The following MYO3A variants were observed in gnomAD, a reference collection of about 807,000 sequenced individuals.
The protein encoded by MYO3A is myosin IIIA.
A neutral mutation model predicts 192.7 loss-of-function variants in MYO3A; 180 were observed. The observed-to-expected ratio is 0.93, with a 90% CI of 0.83 to 1.06. The LOEUF is 1.06. Ranked by LOEUF, MYO3A falls within the 50% of genes least tolerant of loss-of-function variation. The probability of loss-of-function intolerance (pLI) is 0.00; values close to 1 mark genes in which losing one functional copy is unlikely to be tolerated. For missense variants in MYO3A, 1,896 were observed against 1,905.0 expected, an observed-to-expected ratio of 1.00 and a Z score of 0.09; for synonymous variants, 628 against 645.3, an observed-to-expected ratio of 0.97 and a Z score of 0.41.
At chr10:26,137,813 C>T (rs898754970) in intron 20 of MYO3A, among the ~76,000 whole-genome samples, 4 of 152,132 alleles carry the variant, frequency 2.6e-5, no homozygotes, top group Non-Finnish European at 5.9e-5. Flanking sequence ...CTGAGATATG[C>T]CCTGGTCTCC....
rs562148002 is a variant in MYO3A, at chr10:25,973,769, A to C, written c.303+18761A>C. Among the ~76,000 whole-genome samples, 3 of 152,280 alleles carry C rather than the reference A, an allele frequency of 2.0e-5. No homozygotes were observed. The South Asian group carries it at 6.2e-4, about 32-fold the overall frequency. ...TATAGATCAATGGAACAGAACAGAC[A>C]CCTAAGAAATAACACCACACATGTA... On this transcript the variant is annotated intron_variant, in intron 4 of 34. Coordinates refer to ENST00000642920, the MANE Select transcript of MYO3A (RefSeq NM_017433.5).
At chr10:26,198,190 T>G (rs547034813) in intron 32 of MYO3A, among the ~76,000 whole-genome samples, 3 of 152,300 alleles carry the variant, frequency 2.0e-5, no homozygotes, top group African/African-American at 7.2e-5. Context: ...ACAATGGCGA[T>G]TCTAGCGGCC....
chr10:25,988,468 A>G (rs1839795376), intron 4 of MYO3A, among the ~76,000 whole-genome samples: 1 of 152,206 alleles, frequency 6.6e-6, no homozygotes. Context: ...TAGAACTCTC[A>G]TACACTGCTA....
chr10:26,188,668 G>A (rs1350594377), intron 31 of MYO3A, among the ~76,000 whole-genome samples: 1 of 152,158 alleles, frequency 6.6e-6, no homozygotes, highest in African/African-American at 2.4e-5. Context: ...TTAGTATAAG[G>A]TGTAATGAAG....
intron 10 of MYO3A, among the ~76,000 whole-genome samples, chr10:26,040,402 C>A (rs868527523): frequency 3.9e-5 from 6 of 152,076 alleles, no homozygotes; most frequent in Admixed American, 3.3e-4. Context: ...AACAATTGTT[C>A]AAGAACGATG....
intron 18 of MYO3A, among the ~76,000 whole-genome samples, chr10:26,122,471 A>G (rs1838931196): frequency 6.6e-6 from 1 of 152,144 alleles, no homozygotes; most frequent in Non-Finnish European, 1.5e-5. Context: ...ACCAGTTCTG[A>G]CCATTTTGTC....
intron 17 of MYO3A, among the ~76,000 whole-genome samples, chr10:26,107,217 C>T (rs564388054): frequency 6.6e-6 from 1 of 152,252 alleles, no homozygotes; most frequent in African/African-American, 2.4e-5. Flanking sequence ...CGCAGTGGCT[C>T]ACGCCTGTAA....
intron 17 of MYO3A, among the ~76,000 whole-genome samples, chr10:26,102,980 C>A (rs986340617): frequency 1.3e-5 from 2 of 152,264 alleles, no homozygotes; most frequent in Admixed American, 1.3e-4. Flanking sequence ...TTTTGTTCAG[C>A]TATGCCCTTC....
intron 10 of MYO3A, among the ~76,000 whole-genome samples, chr10:26,039,748 T>A (rs1843238246): frequency 6.6e-6 from 1 of 152,172 alleles, no homozygotes; most frequent in Non-Finnish European, 1.5e-5. Context: ...AATTCTGATT[T>A]TACTTAATTG....
intron 17 of MYO3A, among the ~76,000 whole-genome samples, chr10:26,114,513 T>C (rs1838386475): frequency 6.6e-6 from 1 of 152,216 alleles, no homozygotes; most frequent in Admixed American, 6.5e-5. Context: ...TGAGATCTTT[T>C]TGTTCTCATA....
At chr10:26,016,726 A>G (rs1842003434) in intron 6 of MYO3A, 94 bp from the exon 7 acceptor site, 2 of 1,215,726 alleles carry the variant, frequency 1.6e-6, no homozygotes, top group Non-Finnish European at 2.4e-6. Context: ...AGGAAATGGA[A>G]TTTTAATATT....
intron 6 of MYO3A, among the ~76,000 whole-genome samples, chr10:26,013,651 C>T (rs1369981845): frequency 6.6e-6 from 1 of 152,094 alleles, no homozygotes; most frequent in African/African-American, 2.4e-5. Context: ...AAAGGGAATA[C>T]TTACACGCTG....
At chr10:26,060,529 C>G (rs1441456363) in intron 10 of MYO3A, among the ~76,000 whole-genome samples, 2 of 150,104 alleles carry the variant, frequency 1.3e-5, no homozygotes, top group East Asian at 3.9e-4. Context: ...CAATGCCCTT[C>G]CAAAATTCAC....
intron 2 of MYO3A, among the ~76,000 whole-genome samples, chr10:25,940,807 A>T (rs910662014): frequency 6.6e-6 from 1 of 152,128 alleles, no homozygotes; most frequent in Non-Finnish European, 1.5e-5. Context: ...TTTCCTCTGT[A>T]TGTAATAACT....
intron 15 of MYO3A, 57 bp from the exon 16 acceptor site, chr10:26,096,324 A>C: frequency 4.8e-6 from 6 of 1,251,120 alleles, no homozygotes; most frequent in Non-Finnish European, 6.9e-6. Flanking sequence ...ATTGTCAAGT[A>C]ACTTAAGCAA....
chr10:26,088,330 C>T lies in MYO3A; in HGVS notation c.1487C>T (p.Thr496Ile). 1 of 1,613,898 alleles carries T rather than the reference C, an allele frequency of 6.2e-7. No homozygotes were observed. Among genetic ancestry groups the T allele is most frequent in the Non-Finnish European group, 8.5e-7 (1 of 1,179,872 alleles). Residue 496 changes from threonine (T) to isoleucine (I), a missense_variant, in exon 15 of 35, where the codon ACC becomes ATC. Thr to Ile is a moderately conservative substitution (Grantham distance 89). Coordinates refer to ENST00000642920, the MANE Select transcript of MYO3A (RefSeq NM_017433.5). ...GGAAAATACTTAGAAATGAAATTCA[C>T]CTCTTCTGGAGCGGTAGTGGGAGCA... ...RFGKYLEMKFTSSGAVVGAQI... is the reference protein window; with the variant it reads ...RFGKYLEMKFISSGAVVGAQI...
At chr10:26,119,586 TG>T (rs998966969) in intron 17 of MYO3A, among the ~76,000 whole-genome samples, 11 of 152,112 alleles carry the variant, frequency 7.2e-5, no homozygotes, top group African/African-American at 2.7e-4. Flanking sequence ...TGGGAGTGAA[TG>T]GAATAATCAC....
At chr10:26,042,842 A>T (rs1340889049) in intron 10 of MYO3A, among the ~76,000 whole-genome samples, 1 of 152,184 alleles carries the variant, frequency 6.6e-6, no homozygotes, top group African/African-American at 2.4e-5. Flanking sequence ...TGGTGAGGTC[A>T]TGTTTCCCTG....
intron 20 of MYO3A, among the ~76,000 whole-genome samples, chr10:26,130,536 T>C (rs910739715): frequency 8.5e-5 from 13 of 152,324 alleles, no homozygotes; most frequent in South Asian, 4.1e-4. Flanking sequence ...GAGAGGATTT[T>C]GAAATAAAAC....
Sources: allele counts gnomAD v4.1 joint callset (sites outside exome capture counted in the v4.1 genomes callset), GRCh38; gene constraint gnomAD v4.1.1; transcripts MANE v1.5; gene names NCBI Gene and HGNC (gene_info 2026-07-23, HGNC 2026-07-21).